PDE4B: variants seen among roughly 807,000 people sequenced by gnomAD.
The protein encoded by PDE4B is phosphodiesterase 4B, also known as 3',5'-cyclic-AMP phosphodiesterase 4B.
A neutral mutation model predicts 82.2 loss-of-function variants in PDE4B; 20 were observed. The ratio of observed to expected loss-of-function variants is 0.24; its 90% confidence interval spans 0.17 to 0.35. The LOEUF is 0.35. PDE4B is among the 10% of genes least tolerant of loss of function. PDE4B has a pLI of 1.00. For missense variants in PDE4B, 655 were observed against 907.2 expected (o/e 0.72, Z 3.57); for synonymous variants, 320 against 318.9 (o/e 1.00, Z -0.04).
At chr1:65,993,044 T>C (rs141279762) in intron 3 of PDE4B, 1 of 1,613,978 alleles carries the variant, frequency 6.2e-7, no homozygotes, top group Admixed American at 1.7e-5. Context: ...CTAAAATTTC[T>C]CCACGCAGTT....
At chr1:66,237,918 C>A (rs1038349986) in intron 3 of PDE4B, among the ~76,000 whole-genome samples, 2 of 151,970 alleles carry the variant, frequency 1.3e-5, no homozygotes, top group African/African-American at 4.8e-5. Context: ...ACAGATGGCC[C>A]TCGTGGGGCT....
At chr1:65,870,497 T>A (rs998167006) in intron 1 of PDE4B, among the ~76,000 whole-genome samples, 2 of 152,326 alleles carry the variant, frequency 1.3e-5, no homozygotes, top group Middle Eastern at 3.4e-3. Flanking sequence ...TTATTGAGGT[T>A]TTTTTGAGGT....
At chr1:66,083,716 C>T (rs1270420571) in intron 3 of PDE4B, among the ~76,000 whole-genome samples, 1 of 152,088 alleles carries the variant, frequency 6.6e-6, no homozygotes, top group Admixed American at 6.6e-5. Flanking sequence ...TCTCCATAAC[C>T]TAAGTGCTGG....
At chr1:66,208,143 C>T (rs1410558926) in intron 3 of PDE4B, among the ~76,000 whole-genome samples, 1 of 152,134 alleles carries the variant, frequency 6.6e-6, no homozygotes, top group Non-Finnish European at 1.5e-5. Flanking sequence ...TCTAGGTGTG[C>T]CTCTTTCAAT....
At chr1:66,317,184 C>A (rs1659085273) in intron 7 of PDE4B, among the ~76,000 whole-genome samples, 1 of 152,150 alleles carries the variant, frequency 6.6e-6, no homozygotes, top group Admixed American at 6.5e-5. Flanking sequence ...ACACAGAAAA[C>A]CCCAACCCAA....
intron 1 of PDE4B, among the ~76,000 whole-genome samples, chr1:65,825,641 T>C (rs570926726): frequency 5.9e-4 from 89 of 152,030 alleles, no homozygotes; most frequent in African/African-American, 1.8e-3. Context: ...AGCTCTGAAG[T>C]TCAAGACCAG....
chr1:66,157,271 G>T (rs973149305), intron 3 of PDE4B, among the ~76,000 whole-genome samples: 5 of 152,080 alleles, frequency 3.3e-5, no homozygotes, highest in African/African-American at 4.8e-5. Context: ...CTACACCTCT[G>T]CCAACCTAGA....
intron 3 of PDE4B, among the ~76,000 whole-genome samples, chr1:65,941,417 A>G (rs535652650): frequency 2.6e-5 from 4 of 152,184 alleles, no homozygotes; most frequent in East Asian, 3.9e-4. Flanking sequence ...GACCTTTTCT[A>G]TCTCTTGGGT....
chr1:66,100,342 T>C (rs1030239787), intron 3 of PDE4B, among the ~76,000 whole-genome samples: 1 of 152,112 alleles, frequency 6.6e-6, no homozygotes, highest in African/African-American at 2.4e-5. Flanking sequence ...TGTGAGCCAC[T>C]GTGTCCAGCC....
chr1:65,990,505 G>C (rs1230926879), intron 3 of PDE4B, among the ~76,000 whole-genome samples: 2 of 152,046 alleles, frequency 1.3e-5, no homozygotes, highest in Non-Finnish European at 2.9e-5. Flanking sequence ...TATTATTGCT[G>C]GAGGAAAGTC....
chr1:66,356,607 T>TG (rs1441873461), intron 9 of PDE4B, among the ~76,000 whole-genome samples: 3 of 152,262 alleles, frequency 2.0e-5, no homozygotes, highest in Non-Finnish European at 4.4e-5. Context: ...ATTAAATCAA[T>TG]GAGCATTTTC....
At chr1:65,931,418 C>A (rs897600055) in intron 3 of PDE4B, among the ~76,000 whole-genome samples, 1 of 152,038 alleles carries the variant, frequency 6.6e-6, no homozygotes, top group African/African-American at 2.4e-5. Context: ...ACAAAATATC[C>A]TACAGACTGG....
At chr1:66,199,603 G>A (rs963752983) in intron 3 of PDE4B, among the ~76,000 whole-genome samples, 1 of 152,060 alleles carries the variant, frequency 6.6e-6, no homozygotes, top group Non-Finnish European at 1.5e-5. Context: ...ATTTTGACAC[G>A]ATCCCTTTTC....
chr1:66,075,681 G>A (rs1656392381), intron 3 of PDE4B, among the ~76,000 whole-genome samples: 1 of 151,966 alleles, frequency 6.6e-6, no homozygotes, highest in East Asian at 1.9e-4. Flanking sequence ...TGTGCAATTG[G>A]AGCCCTGGCC....
At chr1:66,273,957 G>A (rs1655688308) in intron 7 of PDE4B, among the ~76,000 whole-genome samples, 1 of 152,228 alleles carries the variant, frequency 6.6e-6, no homozygotes, top group African/African-American at 2.4e-5. Context: ...ATCACTTCAG[G>A]AAGAAGTGGC....
chr1:66,256,519 G>A (rs891064544), intron 4 of PDE4B, among the ~76,000 whole-genome samples: 2 of 152,146 alleles, frequency 1.3e-5, no homozygotes, highest in South Asian at 4.1e-4. Flanking sequence ...GAAGACACTT[G>A]CCAGATTAAA....
intron 3 of PDE4B, among the ~76,000 whole-genome samples, chr1:66,193,965 T>G (rs547032197): frequency 5.3e-5 from 8 of 151,432 alleles, no homozygotes; most frequent in Admixed American, 3.3e-4. Flanking sequence ...TTTTTTTTTT[T>G]GGGAGATTCA....
At chr1:66,160,288 G>A (rs1570367206) in intron 3 of PDE4B, among the ~76,000 whole-genome samples, 1 of 152,214 alleles carries the variant, frequency 6.6e-6, no homozygotes, top group East Asian at 1.9e-4. Flanking sequence ...GGTTGGCGCT[G>A]CCTCTACCCT....
At position 65,971,400 on chromosome 1, in the gene PDE4B, C is replaced by T. The variant is rs976050882; in HGVS notation, c.281+52565C>T. Among the ~76,000 whole-genome samples the T allele has an allele frequency of 5.3e-5, 8 of 152,106 alleles. No individual in the cohort carries two copies. In the South Asian group the frequency reaches 1.5e-3, roughly 28 times the overall value. On this transcript the variant is annotated intron_variant, in intron 3 of 16. Transcript: ENST00000341517. The stretch of plus-strand genomic sequence containing the variant: ...AAAGCAGAAGACATGTTAATAGCAG[C>T]GATTGCCTTTCTCTGCTATGAACAT...
Sources: gnomAD v4.1 joint callset for allele counts (sites outside exome capture counted in the v4.1 genomes callset) on GRCh38, gnomAD v4.1.1 for gene constraint, MANE v1.5 for transcripts, NCBI Gene and HGNC (gene_info 2026-07-23, HGNC 2026-07-21) for gene names.